Variants in SNTG1 observed in about 807,000 individuals in gnomAD.
SNTG1 encodes the protein gamma-1-syntrophin.
SNTG1 carries 39 observed loss-of-function variants against 74.7 expected under a neutral mutation model. The observed-to-expected ratio is 0.52, with a 90% CI of 0.40 to 0.68. The LOEUF (loss-of-function observed/expected upper bound fraction) is 0.68, where lower values mean the gene tolerates loss of function less well. Ranked by LOEUF, SNTG1 falls within the 30% of genes least tolerant of loss-of-function variation. The pLI is 0.00. For missense variants in SNTG1, 685 were observed against 609.5 expected (o/e 1.12, Z -1.30); for synonymous variants, 254 against 217.1 (o/e 1.17, Z -1.49).
At chr8:50,017,480 G>A (rs537686189) in intron 1 of SNTG1, among the ~76,000 whole-genome samples, 65 of 151,914 alleles carry the variant, frequency 4.3e-4, no homozygotes, top group African/African-American at 1.5e-3. Context: ...GATATTGAAA[G>A]AATGGATAAA....
chr8:50,265,801 A>C (rs2087434864), intron 2 of SNTG1, among the ~76,000 whole-genome samples: 1 of 152,098 alleles, frequency 6.6e-6, no homozygotes, highest in African/African-American at 2.4e-5. Flanking sequence ...GTAGTGATGA[A>C]AAACCTTTAA....
intron 1 of SNTG1, among the ~76,000 whole-genome samples, chr8:50,079,255 C>T (rs1393855350): frequency 6.6e-6 from 1 of 152,210 alleles, no homozygotes; most frequent in Non-Finnish European, 1.5e-5. Context: ...GCCATTCTAA[C>T]TGGTGTGAGA....
intron 2 of SNTG1, among the ~76,000 whole-genome samples, chr8:50,255,330 G>T (rs1358682999): frequency 2.0e-5 from 3 of 152,076 alleles, no homozygotes; most frequent in Admixed American, 1.3e-4. Context: ...TATAAATTAT[G>T]TCAAGTTTCT....
chr8:50,065,984 A>T (rs1055883404), intron 1 of SNTG1, among the ~76,000 whole-genome samples: 2 of 152,300 alleles, frequency 1.3e-5, no homozygotes, highest in African/African-American at 4.8e-5. Flanking sequence ...TGGGAGGCCG[A>T]GGCAGGCGGA....
chr8:50,703,601 T>C (rs1295259942), intron 15 of SNTG1, among the ~76,000 whole-genome samples: 1 of 152,116 alleles, frequency 6.6e-6, no homozygotes, highest in Non-Finnish European at 1.5e-5. Flanking sequence ...ATTTACTGTA[T>C]TACTATAATA....
chr8:50,559,966 A>G (rs935916127), intron 12 of SNTG1, among the ~76,000 whole-genome samples: 1 of 152,224 alleles, frequency 6.6e-6, no homozygotes, highest in Non-Finnish European at 1.5e-5. Context: ...ATTTTTTGCC[A>G]TCTATCCATC....
chr8:50,355,053 A>G (rs1045029983), intron 2 of SNTG1, among the ~76,000 whole-genome samples: 1 of 152,180 alleles, frequency 6.6e-6, no homozygotes, highest in Non-Finnish European at 1.5e-5. Context: ...GTTTCAGTCA[A>G]GGAAGCCTGA....
intron 1 of SNTG1, among the ~76,000 whole-genome samples, chr8:49,974,161 C>T (rs1032919777): frequency 6.6e-6 from 1 of 152,176 alleles, no homozygotes; most frequent in Non-Finnish European, 1.5e-5. Flanking sequence ...GAAGCACATG[C>T]CACAACTCCA....
At chr8:50,780,280 A>G (rs183479117) in intron 18 of SNTG1, among the ~76,000 whole-genome samples, 47 of 152,296 alleles carry the variant, frequency 3.1e-4, no homozygotes, top group African/African-American at 1.1e-3. Context: ...AAGGAATGGT[A>G]CCAGTTCCTC....
intron 1 of SNTG1, among the ~76,000 whole-genome samples, chr8:50,043,517 A>G (rs531872130): frequency 5.0e-4 from 76 of 152,292 alleles, no homozygotes; most frequent in African/African-American, 1.7e-3. Context: ...TAATTTGTGA[A>G]GGGGATGTCT....
intron 8 of SNTG1, among the ~76,000 whole-genome samples, chr8:50,482,522 G>A (rs2131823733): frequency 6.6e-6 from 1 of 152,252 alleles, no homozygotes; most frequent in East Asian, 1.9e-4. Context: ...AACTCCCAAT[G>A]AGCACTCATT....
intron 1 of SNTG1, among the ~76,000 whole-genome samples, chr8:50,129,203 C>A (rs942476915): frequency 4.6e-5 from 7 of 152,048 alleles, no homozygotes; most frequent in Admixed American, 3.9e-4. Context: ...TATTAAAGGT[C>A]TTTTGTATTA....
At chr8:50,053,491 A>C (rs2157736) in intron 1 of SNTG1, among the ~76,000 whole-genome samples, 25,821 of 151,938 alleles carry the variant, frequency 0.17, 2,480 homozygotes, top group Middle Eastern at 0.26. Context: ...AAAAGTAGAC[A>C]GTAGTGATGA....
At chr8:50,776,140 T>A (rs925296678) in intron 18 of SNTG1, among the ~76,000 whole-genome samples, 4 of 151,060 alleles carry the variant, frequency 2.6e-5, no homozygotes, top group Non-Finnish European at 5.9e-5. Context: ...ATATTTGAAT[T>A]TTGTTCTCTC....
At position 50,394,285 on chromosome 8, in the gene SNTG1, CT is replaced by C; in HGVS notation, c.27+24del. Reference sequence around the variant, plus strand: ...GAGGAGGTGAGTACAGAGCTTTCTGCTTTTCAAACAGGGAAAACAGAATATA... The same window carrying C: ...GAGGAGGTGAGTACAGAGCTTTCTGCTTTCAAACAGGGAAAACAGAATATA... On this transcript the variant is annotated intron_variant, in intron 3 of 18. Coordinates refer to ENST00000642720, the MANE Select transcript of SNTG1 (RefSeq NM_018967.5). 6.2e-7 allele frequency: 1 copy of C among 1,608,826 alleles called. No individual in the cohort carries two copies. The highest frequency in any genetic ancestry group is 8.5e-7 in the Non-Finnish European group (1 of 1,177,002).
chr8:50,013,338 T>C lies in SNTG1; in HGVS notation c.-103+101107T>C, dbSNP rs1024916226. Among the ~76,000 whole-genome samples the C allele has an allele frequency of 2.0e-5, 3 of 152,258 alleles. No homozygotes were observed. In the South Asian group the frequency reaches 6.2e-4, roughly 32 times the overall value. On this transcript the variant is annotated intron_variant, in intron 1 of 18. Transcript: ENST00000642720. ...ACCTCGTCATAGACTTTTATTTGCA[T>C]TTGAATTTCTGAAATTCAATTCTCT...
chr8:50,099,199 C>G (rs1193587086), intron 1 of SNTG1, among the ~76,000 whole-genome samples: 1 of 152,040 alleles, frequency 6.6e-6, no homozygotes, highest in Non-Finnish European at 1.5e-5. Flanking sequence ...TGATGATATT[C>G]TCTACATAAC....
At chr8:50,629,675 G>T (rs1175982551) in intron 13 of SNTG1, among the ~76,000 whole-genome samples, 2 of 152,034 alleles carry the variant, frequency 1.3e-5, no homozygotes, top group Non-Finnish European at 2.9e-5. Flanking sequence ...GTTCATAAAA[G>T]ATTCTTTTGC....
intron 1 of SNTG1, among the ~76,000 whole-genome samples, chr8:49,983,297 G>T (rs545383150): frequency 6.6e-6 from 1 of 152,240 alleles, no homozygotes; most frequent in East Asian, 1.9e-4. Context: ...AAAGTTTAGA[G>T]AATTTGAAGC....
Sources: gnomAD v4.1 joint callset for allele counts (sites outside exome capture counted in the v4.1 genomes callset) on GRCh38, gnomAD v4.1.1 for gene constraint, MANE v1.5 for transcripts, NCBI Gene and HGNC (gene_info 2026-07-23, HGNC 2026-07-21) for gene names.